CRPPA: variants seen among roughly 807,000 people sequenced by gnomAD.
CRPPA encodes CDP-L-ribitol pyrophosphorylase A.
Under a neutral mutation model 52.0 loss-of-function variants are expected in CRPPA, and 43 were observed. The ratio of observed to expected loss-of-function variants is 0.83; its 90% CI spans 0.65 to 1.07. The LOEUF (loss-of-function observed/expected upper bound fraction) is 1.07. Ranked by LOEUF, CRPPA falls within the 50% of genes least tolerant of loss-of-function variation. The pLI is 0.00. For synonymous variants in CRPPA, 250 were observed against 203.5 expected (o/e 1.23, Z -1.94); for missense variants, 629 against 551.7 (o/e 1.14, Z -1.40).
chr7:16,339,305 A>G (rs1260652245), intron 3 of CRPPA, among the ~76,000 whole-genome samples: 1 of 152,210 alleles, frequency 6.6e-6, no homozygotes, highest in Non-Finnish European at 1.5e-5. Flanking sequence ...TCAACAGAAT[A>G]GTAGCAAATT....
intron 9 of CRPPA, among the ~76,000 whole-genome samples, chr7:16,123,549 T>C (rs1300582345): frequency 6.6e-6 from 1 of 152,140 alleles, no homozygotes; most frequent in Non-Finnish European, 1.5e-5. Context: ...ATTTTATAGC[T>C]CTTAGCAGGG....
intron 3 of CRPPA, among the ~76,000 whole-genome samples, chr7:16,358,484 T>C (rs1484275751): frequency 6.6e-6 from 1 of 152,198 alleles, no homozygotes; most frequent in Non-Finnish European, 1.5e-5. Context: ...ACTGCCTTTA[T>C]ACAAATAGGT....
chr7:16,353,045 C>A (rs902689926), intron 3 of CRPPA, among the ~76,000 whole-genome samples: 1 of 152,122 alleles, frequency 6.6e-6, no homozygotes, highest in Non-Finnish European at 1.5e-5. Context: ...GCTGTATGAT[C>A]TCACTTATAT....
chr7:16,246,123 T>G (rs1338228592), intron 8 of CRPPA, among the ~76,000 whole-genome samples: 1 of 152,194 alleles, frequency 6.6e-6, no homozygotes, highest in African/African-American at 2.4e-5. Context: ...AAAGTTGGAC[T>G]TAATCTTCTC....
intron 3 of CRPPA, among the ~76,000 whole-genome samples, chr7:16,364,212 G>A (rs1282843703): frequency 6.6e-6 from 1 of 152,076 alleles, no homozygotes; most frequent in Non-Finnish European, 1.5e-5. Flanking sequence ...CTGAGCCTCA[G>A]GTACTTATAC....
intron 9 of CRPPA, among the ~76,000 whole-genome samples, chr7:16,145,014 T>G (rs60082144): frequency 0.038 from 5,740 of 152,240 alleles, 337 homozygotes; most frequent in East Asian, 0.3. Context: ...AGGCTTATCT[T>G]GGCCAGGAGG....
intron 3 of CRPPA, among the ~76,000 whole-genome samples, chr7:16,368,254 C>T (rs986143850): frequency 6.6e-6 from 1 of 152,278 alleles, no homozygotes; most frequent in South Asian, 2.1e-4. Context: ...TCCTGAAGAT[C>T]GCATAGTTTC....
At chr7:16,333,578 T>A (rs1377599140) in intron 3 of CRPPA, among the ~76,000 whole-genome samples, 1 of 152,184 alleles carries the variant, frequency 6.6e-6, no homozygotes, top group Admixed American at 6.5e-5. Flanking sequence ...TAAAATTAAA[T>A]GCATGTATTA....
intron 3 of CRPPA, among the ~76,000 whole-genome samples, chr7:16,369,354 C>G (rs2128310844): frequency 6.6e-6 from 1 of 152,286 alleles, no homozygotes; most frequent in Non-Finnish European, 1.5e-5. Flanking sequence ...TTCTTCTATA[C>G]AATGTCTGGA....
chr7:16,346,519 G>C (rs1314693009), intron 3 of CRPPA, among the ~76,000 whole-genome samples: 1 of 134,678 alleles, frequency 7.4e-6, no homozygotes, highest in East Asian at 2.0e-4. Context: ...TTCATAGCAA[G>C]AGAAAAAAAA....
chr7:16,286,550 C>A (rs1275934872), intron 5 of CRPPA, among the ~76,000 whole-genome samples: 3 of 53,378 alleles, frequency 5.6e-5, no homozygotes, highest in Non-Finnish European at 1.0e-4. Flanking sequence ...TCAACTTATA[C>A]CTTACTCATC....
At position 16,105,249 on chromosome 7, in the gene CRPPA, C is replaced by A. The variant is rs940657679; in HGVS notation, c.1252-13450G>T. On this transcript the variant is annotated intron_variant, in intron 9 of 9. Transcript: ENST00000407010. Reference sequence around the variant, plus strand: ...TTTTTTAAACCCCAACACTTGGAAACAAGACTGAGACACCAATGTGGTCCA... The same window carrying A: ...TTTTTTAAACCCCAACACTTGGAAAAAAGACTGAGACACCAATGTGGTCCA... Among the ~76,000 whole-genome samples the A allele has an allele frequency of 8.5e-5, 13 of 152,120 alleles. No homozygotes were observed. The South Asian group carries it at 1.2e-3, about 15-fold the overall frequency.
chr7:16,326,750 G>C (rs1785401386), intron 3 of CRPPA, among the ~76,000 whole-genome samples: 1 of 152,112 alleles, frequency 6.6e-6, no homozygotes, highest in Non-Finnish European at 1.5e-5. Context: ...CCTTGTGAAA[G>C]ATCTCAGGAT....
intron 3 of CRPPA, among the ~76,000 whole-genome samples, chr7:16,313,776 G>C (rs1785086967): frequency 6.6e-6 from 1 of 152,012 alleles, no homozygotes; most frequent in South Asian, 2.1e-4. Context: ...TGTTATTTAA[G>C]AGTATGTTGT....
chr7:16,304,447 C>G (rs1459075645), intron 4 of CRPPA, among the ~76,000 whole-genome samples: 1 of 152,102 alleles, frequency 6.6e-6, no homozygotes, highest in Non-Finnish European at 1.5e-5. Context: ...TACAGACCAG[C>G]CTGGCCAACA....
At chr7:16,354,564 C>G (rs1412080501) in intron 3 of CRPPA, among the ~76,000 whole-genome samples, 1 of 152,104 alleles carries the variant, frequency 6.6e-6, no homozygotes, top group Admixed American at 6.6e-5. Context: ...AAAATTTTAA[C>G]TTACAAAGAA....
intron 9 of CRPPA, among the ~76,000 whole-genome samples, chr7:16,146,659 T>C (rs1386237081): frequency 6.6e-6 from 1 of 152,200 alleles, no homozygotes; most frequent in African/African-American, 2.4e-5. Flanking sequence ...GTGTAGAATT[T>C]TGTATTAATC....
chr7:16,147,520 C>T (rs1030660743), intron 9 of CRPPA, among the ~76,000 whole-genome samples: 5 of 152,144 alleles, frequency 3.3e-5, no homozygotes, highest in Admixed American at 2.0e-4. Context: ...GTCATTTATG[C>T]ACTTACTTAT....
At chr7:16,179,573 T>C (rs1040781496) in intron 9 of CRPPA, among the ~76,000 whole-genome samples, 2 of 152,046 alleles carry the variant, frequency 1.3e-5, no homozygotes, top group African/African-American at 2.4e-5. Context: ...AGCAAAGTAA[T>C]GCAGGCAGCC....
Sources: allele counts gnomAD v4.1 joint callset (sites outside exome capture counted in the v4.1 genomes callset), GRCh38; gene constraint gnomAD v4.1.1; transcripts MANE v1.5; gene names NCBI Gene and HGNC (gene_info 2026-07-23, HGNC 2026-07-21).